Variants in KALRN observed in about 807,000 individuals in gnomAD.
KALRN encodes the protein kalirin.
A neutral mutation model predicts 353.7 loss-of-function variants in KALRN; 70 were observed. The ratio of observed to expected loss-of-function variants is 0.20; its 90% CI spans 0.16 to 0.24. The LOEUF (loss-of-function observed/expected upper bound fraction) is 0.24, where lower values mean the gene tolerates loss of function less well. Among genes scored for constraint, KALRN ranks in the 10% least tolerant of loss-of-function variants. The probability of loss-of-function intolerance (pLI) is 1.00; values close to 1 mark genes in which losing one functional copy is unlikely to be tolerated. For synonymous variants in KALRN, 1,391 were observed against 1,434.8 expected (o/e 0.97, Z 0.69); for missense variants, 2,791 against 3,756.7 (o/e 0.74, Z 6.72).
chr3:124,310,897 A>G (rs1164043480), intron 6 of KALRN, among the ~76,000 whole-genome samples: 1 of 152,110 alleles, frequency 6.6e-6, no homozygotes, highest in Non-Finnish European at 1.5e-5. Context: ...ATCTATAAAG[A>G]ACTCTTACAA....
At chr3:124,178,485 A>G (rs1325669547) in intron 1 of KALRN, among the ~76,000 whole-genome samples, 2 of 152,218 alleles carry the variant, frequency 1.3e-5, no homozygotes, top group Admixed American at 6.5e-5. Flanking sequence ...ACAGACTACT[A>G]TACACCTAGG....
intron 1 of KALRN, among the ~76,000 whole-genome samples, chr3:124,213,432 CT>C: frequency 6.6e-6 from 1 of 152,168 alleles, no homozygotes. Flanking sequence ...TCTGCTCCAC[CT>C]TTTAATAATT....
intron 10 of KALRN, among the ~76,000 whole-genome samples, chr3:124,376,359 C>T (rs1033274699): frequency 4.6e-5 from 7 of 152,166 alleles, no homozygotes; most frequent in African/African-American, 1.7e-4. Context: ...TTATTCAGGG[C>T]ACCTAAGAAG....
rs71142775 is a variant in KALRN, at chr3:124,152,547, TTTTTCTTTTCTTTTC to T, written c.74-75424_74-75410del. 2.0e-4 allele frequency: 89 copies of T among 435,844 alleles called. 1 individual carries two copies. The highest frequency in any genetic ancestry group is 1.7e-3 in the East Asian group (39 of 22,574). 27.0% of individuals were successfully genotyped at this position (435,844 alleles called of 1,614,324 possible). The stretch of plus-strand genomic sequence containing the variant: ...TACAGTGCTTTTCTTTTTCTTTTTC[TTTTTCTTTTCTTTTC>T]TTTTCTTTTCTTTTCTTTCTTTCTT... On this transcript the variant is annotated intron_variant, in intron 1 of 59. Transcript: ENST00000682506.
chr3:124,615,386 G>GA lies in KALRN; in HGVS notation c.5183-17027dup, dbSNP rs1235497992. 3.3e-5 allele frequency among the ~76,000 whole-genome samples: 5 copies of GA among 151,926 alleles called. No homozygotes were observed. In the East Asian group the frequency reaches 7.7e-4, roughly 23 times the overall value. ...ATTATTGGAATAACTGTCAATATTT[G>GA]AAAAAAACAGGATATCACTGTTAAA... On this transcript the variant is annotated intron_variant, in intron 34 of 59. Coordinates refer to ENST00000682506, the MANE Select transcript of KALRN (RefSeq NM_001388419.1).
chr3:124,153,930 C>T lies in KALRN; in HGVS notation c.74-74060C>T, dbSNP rs1360121321. Among the ~76,000 whole-genome samples the T allele has an allele frequency of 2.6e-5, 4 of 152,228 alleles. No individual in the cohort carries two copies. In the East Asian group the frequency reaches 7.7e-4, roughly 29 times the overall value. On this transcript the variant is annotated intron_variant, in intron 1 of 59. Transcript: ENST00000682506. Reference sequence around the variant, plus strand: ...ATAAATGTCTTCTTTTGAGAAGTGTCTGTTCATATCCTTTGCCCACTTTTT... The same window carrying T: ...ATAAATGTCTTCTTTTGAGAAGTGTTTGTTCATATCCTTTGCCCACTTTTT...
At chr3:124,680,760 G>C (rs2087696425) in intron 51 of KALRN, among the ~76,000 whole-genome samples, 1 of 152,194 alleles carries the variant, frequency 6.6e-6, no homozygotes, top group South Asian at 2.1e-4. Flanking sequence ...TGCCAGGATA[G>C]AGTAGTCCCC....
chr3:124,256,123 G>A (rs1444763), intron 3 of KALRN, among the ~76,000 whole-genome samples: 93,839 of 152,018 alleles, frequency 0.62, 31,737 homozygotes, highest in Non-Finnish European at 0.75. Context: ...GACACTCTGG[G>A]ATTTGCTCAG....
chr3:124,184,353 T>C (rs561037333), intron 1 of KALRN, among the ~76,000 whole-genome samples: 2 of 152,240 alleles, frequency 1.3e-5, no homozygotes, highest in African/African-American at 4.8e-5. Context: ...AAGTATTACA[T>C]AAGCATTAGG....
At chr3:124,094,413 TA>T (rs1213194814) in intron 1 of KALRN, among the ~76,000 whole-genome samples, 1 of 152,190 alleles carries the variant, frequency 6.6e-6, no homozygotes, top group Non-Finnish European at 1.5e-5. Context: ...TCCCATATTC[TA>T]TTGGAGGAGC....
chr3:124,519,218 A>G (rs2066951490), intron 33 of KALRN: 1 of 973,434 alleles, frequency 1.0e-6, no homozygotes, highest in Non-Finnish European at 1.2e-6. Flanking sequence ...GAAGATATAA[A>G]TGAAAAACTG....
intron 1 of KALRN, among the ~76,000 whole-genome samples, chr3:124,118,080 G>A (rs928524124): frequency 4.6e-5 from 7 of 152,282 alleles, no homozygotes; most frequent in African/African-American, 1.7e-4. Context: ...GATCATCCAG[G>A]AAACCTCCCT....
intron 28 of KALRN, among the ~76,000 whole-genome samples, chr3:124,487,578 C>T (rs2062701859): frequency 6.6e-6 from 1 of 152,192 alleles, no homozygotes. Flanking sequence ...CCTCATCTGA[C>T]AATGAAATAG....
At chr3:124,531,222 T>C (rs917273587) in intron 33 of KALRN, among the ~76,000 whole-genome samples, 3 of 152,252 alleles carry the variant, frequency 2.0e-5, no homozygotes, top group African/African-American at 7.2e-5. Flanking sequence ...AATTGAGTTA[T>C]ATATCCAGAA....
chr3:124,090,348 G>A (rs1182157300), intron 1 of KALRN, among the ~76,000 whole-genome samples: 2 of 152,198 alleles, frequency 1.3e-5, no homozygotes, highest in South Asian at 2.1e-4. Flanking sequence ...CAAGATGAAA[G>A]CTACACAAAA....
Position 124,720,945 on chromosome 3 carries a change from A to G in KALRN, c.*1475A>G, listed in dbSNP as rs1321302516. ...CGATTATACAAGTAAGATTTTAAAA[A>G]TGTAACTCAAGTGTTTGTTCAAATC... On this transcript the variant is annotated 3_prime_UTR_variant, in exon 60 of 60. Coordinates refer to ENST00000682506, the MANE Select transcript of KALRN (RefSeq NM_001388419.1). 2 of 152,248 alleles carry G rather than the reference A, an allele frequency of 1.3e-5. No homozygotes were observed. The highest frequency in any genetic ancestry group is 4.8e-5 in the African/African-American group (2 of 41,462). The allele number at this position is 152,248 out of a possible 1,614,324, so 9.4% of individuals were successfully genotyped here. A position where few individuals can be genotyped will look rare whatever the true frequency, so the allele number is the denominator to read the frequency against.
At chr3:124,181,115 A>G (rs1316464621) in intron 1 of KALRN, among the ~76,000 whole-genome samples, 2 of 146,418 alleles carry the variant, frequency 1.4e-5, no homozygotes, top group African/African-American at 5.0e-5. Context: ...GCCAGGCGTG[A>G]TGGTGTGCAC....
At chr3:124,036,865 G>A (rs1453349217) in intron 1 of KALRN, among the ~76,000 whole-genome samples, 1 of 152,182 alleles carries the variant, frequency 6.6e-6, no homozygotes, top group African/African-American at 2.4e-5. Context: ...TCATTTTGGT[G>A]TTTCAATCCC....
chr3:124,669,280 A>G (rs968554418), intron 47 of KALRN, among the ~76,000 whole-genome samples: 4 of 152,246 alleles, frequency 2.6e-5, no homozygotes, highest in African/African-American at 9.6e-5. Flanking sequence ...TCATTTATTT[A>G]ATTATGATCT....
Sources: gnomAD v4.1 joint callset for allele counts (sites outside exome capture counted in the v4.1 genomes callset) on GRCh38, gnomAD v4.1.1 for gene constraint, MANE v1.5 for transcripts, NCBI Gene and HGNC (gene_info 2026-07-23, HGNC 2026-07-21) for gene names.